NFATC1: variants seen among roughly 807,000 people sequenced by gnomAD.
NFATC1 encodes the protein nuclear factor of activated T-cells, cytoplasmic 1.
In NFATC1, 22 loss-of-function variants were observed where a neutral mutation model predicts 76.0. The observed-to-expected ratio is 0.29, with a 90% CI of 0.21 to 0.41. NFATC1 has a LOEUF of 0.41. NFATC1 is among the 10% of genes least tolerant of loss of function. NFATC1 has a pLI of 1.00. For missense variants in NFATC1, 1,357 were observed against 1,337.7 expected (o/e 1.01, Z -0.23); for synonymous variants, 704 against 613.1 (o/e 1.15, Z -2.19).
rs1005304933 is a variant in NFATC1, at chr18:79,465,060, T to C, written c.1960-2390T>C. Among the ~76,000 whole-genome samples the C allele has an allele frequency of 1.3e-5, 2 of 152,234 alleles. No homozygotes were observed. The highest frequency in any genetic ancestry group is 2.9e-5 in the Non-Finnish European group (2 of 68,028). On this transcript the variant is annotated intron_variant, in intron 7 of 9. Transcript: ENST00000427363. This position sits in a 1 kb window ranked among gnomAD's most constrained non-coding sequence, Gnocchi z 4.2. ...CTGTGTCTACGGTTTTTGTACTTTCTATAAGTAAGTGTATGAGCTTCATCT... is the reference window on the plus strand; with the variant it reads ...CTGTGTCTACGGTTTTTGTACTTTCCATAAGTAAGTGTATGAGCTTCATCT...
At chr18:79,469,498 C>G (rs1466207398) in intron 8 of NFATC1, 4 of 985,616 alleles carry the variant, frequency 4.1e-6, no homozygotes, top group Non-Finnish European at 4.8e-6. Flanking sequence ...CCTGCTACCT[C>G]CAGTCCACAC....
intron 9 of NFATC1, among the ~76,000 whole-genome samples, chr18:79,505,597 T>A: frequency 7.5e-6 from 1 of 133,350 alleles, no homozygotes; most frequent in East Asian, 2.3e-4. Context: ...GATGAGACCC[T>A]TGGGTGATGG....
intron 8 of NFATC1, among the ~76,000 whole-genome samples, chr18:79,471,806 C>T (rs766814043): frequency 3.3e-5 from 5 of 152,330 alleles, no homozygotes; most frequent in East Asian, 1.9e-4. Context: ...AGATCTGCCT[C>T]GGGATCTGGG....
At chr18:79,400,349 G>T in intron 1 of NFATC1, 4 of 1,381,948 alleles carry the variant, frequency 2.9e-6, no homozygotes, top group South Asian at 1.4e-5. Context: ...AACCCCTGGC[G>T]GCCGCGACCC....
At chr18:79,453,443 C>G (rs1360875935) in intron 6 of NFATC1, among the ~76,000 whole-genome samples, 1 of 152,270 alleles carries the variant, frequency 6.6e-6, no homozygotes, top group African/African-American at 2.4e-5. Context: ...GGGCCAGGAG[C>G]CAAGGGGATG....
chr18:79,508,407 T>C (rs1057303904), intron 9 of NFATC1, among the ~76,000 whole-genome samples: 2 of 152,176 alleles, frequency 1.3e-5, no homozygotes, highest in African/African-American at 4.8e-5. Flanking sequence ...AGGGGGCGCA[T>C]GGGCAGGTGT....
chr18:79,471,266 G>A (rs950417834), intron 8 of NFATC1, among the ~76,000 whole-genome samples: 7 of 152,170 alleles, frequency 4.6e-5, no homozygotes, highest in African/African-American at 2.4e-5. Context: ...AACCTGGAAC[G>A]TGGGAACCCT....
intron 1 of NFATC1, chr18:79,400,450 G>A: frequency 6.7e-7 from 1 of 1,490,374 alleles, no homozygotes; most frequent in Non-Finnish European, 8.9e-7. Context: ...TTTAACCAGC[G>A]CGACGAGGGC....
chr18:79,508,212 A>G (rs1050320820), intron 9 of NFATC1, among the ~76,000 whole-genome samples: 2 of 151,364 alleles, frequency 1.3e-5, no homozygotes, highest in Non-Finnish European at 3.0e-5. Context: ...AGGCTGGAGA[A>G]AAAAGGTGGA....
At position 79,503,605 on chromosome 18, in the gene NFATC1, C is replaced by A. The variant is rs948525483; in HGVS notation, c.2782+16668C>A. On this transcript the variant is annotated intron_variant, in intron 9 of 9. Transcript: ENST00000427363. Reference sequence around the variant, plus strand: ...GGAGATTCCGCGTCATTCTTAGGGGCCTTGGGATTTTCGGGGTGGCAGATG... The same window carrying A: ...GGAGATTCCGCGTCATTCTTAGGGGACTTGGGATTTTCGGGGTGGCAGATG... Among the ~76,000 whole-genome samples, 4 of 152,132 alleles carry A rather than the reference C, an allele frequency of 2.6e-5. No individual in the cohort carries two copies. The South Asian group carries it at 8.3e-4, about 32-fold the overall frequency.
intron 3 of NFATC1, among the ~76,000 whole-genome samples, chr18:79,447,528 G>A (rs991220175): frequency 3.3e-5 from 5 of 152,218 alleles, no homozygotes; most frequent in African/African-American, 1.2e-4. Flanking sequence ...AGTGGTTCCC[G>A]GGGCTGGGCG....
chr18:79,486,978 G>T (rs754096), intron 9 of NFATC1, 41 bp downstream of exon 9: 2 of 1,542,868 alleles, frequency 1.3e-6, no homozygotes, highest in African/African-American at 2.7e-5. Context: ...CCCGCCTGGC[G>T]CCATGGCGTG....
chr18:79,483,192 G>A (rs140851237), intron 8 of NFATC1, among the ~76,000 whole-genome samples: 38 of 104,878 alleles, frequency 3.6e-4, no homozygotes, highest in Admixed American at 8.0e-4. Flanking sequence ...TAATTCCAGC[G>A]TGACCTGGTT....
At chr18:79,514,182 T>C (rs1213580921) in intron 9 of NFATC1, among the ~76,000 whole-genome samples, 1 of 152,062 alleles carries the variant, frequency 6.6e-6, no homozygotes, top group Non-Finnish European at 1.5e-5. Context: ...GGCTCACACC[T>C]GTGATCCAAG....
intron 9 of NFATC1, among the ~76,000 whole-genome samples, chr18:79,509,816 G>A (rs1466503689): frequency 6.6e-6 from 1 of 152,224 alleles, no homozygotes; most frequent in African/African-American, 2.4e-5. Flanking sequence ...TTCTGCTCCT[G>A]CTCAGAAAGC....
intron 9 of NFATC1, among the ~76,000 whole-genome samples, chr18:79,500,461 C>G (rs1347920226): frequency 6.6e-6 from 1 of 151,942 alleles, no homozygotes; most frequent in African/African-American, 2.4e-5. Context: ...AATCAATAAT[C>G]TAAGCTTTTT....
Position 79,410,975 on chromosome 18 carries a change from C to T in NFATC1, c.700C>T (p.Pro234Ser). The change falls in exon 2 of 10, where the codon CCG becomes TCG. Residue 234 changes from proline (P) to serine (S), a missense_variant. Pro to Ser is a moderately conservative substitution (Grantham distance 74). Around this residue, in one of 3 missense-constraint regions of NFATC1, gnomAD observed 691 missense variants for 613.1 expected, o/e 1.13. Transcript: ENST00000427363. This position sits in a 1 kb window ranked among gnomAD's most constrained non-coding sequence, Gnocchi z 6.7. ...GGGGGCCTGCACACTGCTGGGTTCC[C>T]CGCGGCACTCCCCCTCCACCTCGCC... ...GLGACTLLGS[P>S]RHSPSTSPRA... The T allele has an allele frequency of 6.2e-7, 1 of 1,603,492 alleles. No homozygotes were observed. The highest frequency in any genetic ancestry group is 8.5e-7 in the Non-Finnish European group (1 of 1,175,348).
chr18:79,443,286 C>T (rs912794543), intron 3 of NFATC1, among the ~76,000 whole-genome samples: 1 of 152,360 alleles, frequency 6.6e-6, no homozygotes, highest in African/African-American at 2.4e-5. Flanking sequence ...TATGGACACA[C>T]ACCTGCACGC....
intron 1 of NFATC1, among the ~76,000 whole-genome samples, chr18:79,406,421 G>A (rs1194189282): frequency 1.3e-5 from 2 of 152,152 alleles, no homozygotes; most frequent in Non-Finnish European, 2.9e-5. Context: ...GTGGGAGGGA[G>A]GCTGGGCCCC....
Sources: allele counts gnomAD v4.1 joint callset (sites outside exome capture counted in the v4.1 genomes callset), GRCh38; gene constraint gnomAD v4.1.1; regional missense constraint gnomAD v4.1.1; non-coding constraint Gnocchi (gnomAD v3.1); transcripts MANE v1.5; gene names NCBI Gene and HGNC (gene_info 2026-07-23, HGNC 2026-07-21).